LDB2: variants seen among roughly 807,000 people sequenced by gnomAD.
LDB2 encodes LIM domain binding 2, also known as LIM domain-binding protein 2.
A neutral mutation model predicts 44.3 loss-of-function variants in LDB2; 12 were observed. That is an observed-to-expected ratio of 0.27 (90% confidence interval 0.17 to 0.44). LDB2 has a LOEUF of 0.44. Ranked by LOEUF, LDB2 falls within the 20% of genes least tolerant of loss-of-function variation. The pLI is 1.00. For synonymous variants in LDB2, 164 were observed against 174.8 expected, an observed-to-expected ratio of 0.94 and a Z score of 0.49; for missense variants, 344 against 473.5, an observed-to-expected ratio of 0.73 and a Z score of 2.54.
At chr4:16,677,236 C>T (rs545857237) in intron 2 of LDB2, among the ~76,000 whole-genome samples, 6 of 152,294 alleles carry the variant, frequency 3.9e-5, no homozygotes, top group South Asian at 2.1e-4. Context: ...TTCAGGGTGG[C>T]CTGAAGCCAG....
At chr4:16,667,482 T>G (rs1319225190) in intron 2 of LDB2, among the ~76,000 whole-genome samples, 1 of 152,166 alleles carries the variant, frequency 6.6e-6, no homozygotes, top group African/African-American at 2.4e-5. Context: ...ACCTGGGATC[T>G]CCTGATTCTC....
In LDB2 at chr4:16,512,045, G is replaced by A; in HGVS notation, c.675C>T (p.Leu225=). The A allele has an allele frequency of 1.9e-6, 3 of 1,613,738 alleles. No homozygotes were observed. The highest frequency in any genetic ancestry group is 2.5e-6 in the Non-Finnish European group (3 of 1,179,786). The change falls in exon 6 of 8, where the codon CTC becomes CTT. Residue 225 remains leucine, a synonymous_variant. Coordinates refer to ENST00000304523, the MANE Select transcript of LDB2 (RefSeq NM_001290.5). ...AGGTCTTCAGGCAGTCTCGGGGACT[G>A]AGGTTGTAAGTTTTATGTCTCGACA... ...ELMSRHKTYN[L]SPRDCLKTCL... is the part of the protein sequence containing the mutation.
chr4:16,799,636 A>G (rs1215173004), intron 1 of LDB2, among the ~76,000 whole-genome samples: 2 of 152,198 alleles, frequency 1.3e-5, no homozygotes, highest in Non-Finnish European at 2.9e-5. Flanking sequence ...TGATTGAACA[A>G]GAACAAAGGC....
intron 1 of LDB2, among the ~76,000 whole-genome samples, chr4:16,894,588 T>A (rs1724373384): frequency 6.6e-6 from 1 of 152,160 alleles, no homozygotes; most frequent in Non-Finnish European, 1.5e-5. Context: ...AGATTATGGA[T>A]CTAAATGACC....
intron 2 of LDB2, among the ~76,000 whole-genome samples, chr4:16,660,448 C>A (rs576932010): frequency 6.6e-6 from 1 of 152,234 alleles, no homozygotes; most frequent in Admixed American, 6.5e-5. Flanking sequence ...CAGTTAATGA[C>A]TAACAAGGTA....
intron 6 of LDB2, 110 bp from the exon 7 acceptor site, chr4:16,508,796 T>C: frequency 9.6e-7 from 1 of 1,040,368 alleles, no homozygotes; most frequent in African/African-American, 1.6e-5. Context: ...GAGTAGACTA[T>C]TTAAACATTT....
At chr4:16,553,429 T>G (rs1299216646) in intron 5 of LDB2, among the ~76,000 whole-genome samples, 1 of 152,176 alleles carries the variant, frequency 6.6e-6, no homozygotes, top group Non-Finnish European at 1.5e-5. Context: ...TCCAAAGCAC[T>G]GGGATTACAG....
At chr4:16,658,544 A>AT (rs35258299) in intron 2 of LDB2, among the ~76,000 whole-genome samples, 85,103 of 150,674 alleles carry the variant, frequency 0.56, 24,308 homozygotes, top group Middle Eastern at 0.68. Context: ...TCTAGATCTG[A>AT]TTTTTTTTTT....
chr4:16,861,998 T>C (rs1000228211), intron 1 of LDB2, among the ~76,000 whole-genome samples: 1 of 152,218 alleles, frequency 6.6e-6, no homozygotes, highest in Non-Finnish European at 1.5e-5. Flanking sequence ...CAGACCTCAG[T>C]TTCTTCCTCA....
intron 1 of LDB2, among the ~76,000 whole-genome samples, chr4:16,850,872 T>C (rs569580341): frequency 6.6e-6 from 1 of 152,040 alleles, no homozygotes; most frequent in East Asian, 1.9e-4. Flanking sequence ...GACATACAGG[T>C]CTGAAACTCT....
intron 2 of LDB2, among the ~76,000 whole-genome samples, chr4:16,657,386 C>T (rs977968039): frequency 1.3e-5 from 2 of 152,152 alleles, no homozygotes; most frequent in African/African-American, 4.8e-5. Context: ...TTTGCTGTCA[C>T]CACCTAATTG....
intron 2 of LDB2, among the ~76,000 whole-genome samples, chr4:16,656,914 G>A (rs1740032784): frequency 6.6e-6 from 1 of 152,116 alleles, no homozygotes; most frequent in South Asian, 2.1e-4. Context: ...TAACAAGTAA[G>A]TATAGACATG....
At chr4:16,715,314 A>G (rs534958175) in intron 2 of LDB2, among the ~76,000 whole-genome samples, 9 of 152,226 alleles carry the variant, frequency 5.9e-5, no homozygotes, top group Non-Finnish European at 8.8e-5. Flanking sequence ...AGGTACTATC[A>G]TATTTCAATC....
Position 16,652,763 on chromosome 4 carries a change from G to A in LDB2, c.236-56888C>T, listed in dbSNP as rs1039243896. 2.0e-5 allele frequency among the ~76,000 whole-genome samples: 3 copies of A among 152,250 alleles called. No individual in the cohort carries two copies. The East Asian group carries it at 5.8e-4, about 29-fold the overall frequency. ...TGACTTCCACTTTTTAAGGGAATGT[G>A]GCTACTTCACGGCAGTTGATTATAT... On this transcript the variant is annotated intron_variant, in intron 2 of 7. Transcript: ENST00000304523.
At chr4:16,844,670 G>A (rs1002244543) in intron 1 of LDB2, among the ~76,000 whole-genome samples, 6 of 152,044 alleles carry the variant, frequency 3.9e-5, no homozygotes, top group African/African-American at 1.4e-4. Flanking sequence ...CTCTCATCTT[G>A]TTTCGTTTGT....
intron 1 of LDB2, among the ~76,000 whole-genome samples, chr4:16,871,811 G>A (rs1484509821): frequency 6.6e-6 from 1 of 151,842 alleles, no homozygotes; most frequent in Admixed American, 6.6e-5. Context: ...TAGTAGAGAA[G>A]GGGTTTTGCC....
intron 1 of LDB2, among the ~76,000 whole-genome samples, chr4:16,821,767 A>AAAAAAAAAAC (rs1422400388): frequency 6.6e-6 from 1 of 150,432 alleles, no homozygotes; most frequent in South Asian, 2.1e-4. Flanking sequence ...AAAAAAAAAA[A>AAAAAAAAAAC]AAATCAGGAA....
intron 1 of LDB2, among the ~76,000 whole-genome samples, chr4:16,885,293 C>T (rs1430156695): frequency 6.6e-6 from 1 of 151,612 alleles, no homozygotes; most frequent in Non-Finnish European, 1.5e-5. Flanking sequence ...TGTGATCACA[C>T]CACTGCACTC....
At chr4:16,826,714 C>A (rs764889736) in intron 1 of LDB2, among the ~76,000 whole-genome samples, 3 of 151,926 alleles carry the variant, frequency 2.0e-5, no homozygotes, top group Non-Finnish European at 4.4e-5. Flanking sequence ...CTTTCTAAGC[C>A]CATTTATGAT....
Sources: gnomAD v4.1 joint callset for allele counts (sites outside exome capture counted in the v4.1 genomes callset) on GRCh38, gnomAD v4.1.1 for gene constraint, MANE v1.5 for transcripts, NCBI Gene and HGNC (gene_info 2026-07-23, HGNC 2026-07-21) for gene names.